The following KALRN variants were observed in gnomAD, a reference collection of about 807,000 sequenced individuals.
KALRN encodes kalirin.
In KALRN, 70 loss-of-function variants were observed where a neutral mutation model predicts 353.7. The observed-to-expected ratio is 0.20, with a 90% CI of 0.16 to 0.24. The LOEUF is 0.24. Among genes scored for constraint, KALRN ranks in the 10% least tolerant of loss-of-function variants. The pLI, the probability that KALRN is intolerant of heterozygous loss-of-function variation, is 1.00. For synonymous variants in KALRN, 1,391 were observed against 1,434.8 expected (o/e 0.97, Z 0.69); for missense variants, 2,791 against 3,756.7 (o/e 0.74, Z 6.72).
In KALRN at chr3:124,395,323, C is replaced by T. The variant is rs144625991; in HGVS notation, c.2151C>T (p.Leu717=). The change falls in exon 12 of 60, where the codon CTC becomes CTT. Residue 717 remains leucine, a synonymous_variant. Transcript: ENST00000682506. ...IQQLRSAPPS[L]GEPSEARDSA... ...AGCTCAGGTCAGCGCCTCCCTCCCTCGGGGAGCCCAGCGAGGCCAGGTCAG... is the reference window on the plus strand; with the variant it reads ...AGCTCAGGTCAGCGCCTCCCTCCCTTGGGGAGCCCAGCGAGGCCAGGTCAG... 26 of 1,612,902 alleles carry T rather than the reference C, an allele frequency of 1.6e-5. No individual in the cohort carries two copies. The highest frequency in any genetic ancestry group is 2.2e-5 in the Non-Finnish European group (26 of 1,179,694).
Position 124,441,990 on chromosome 3 carries a change from A to G in KALRN, c.3244A>G (p.Ile1082Val). 6.2e-7 allele frequency: 1 copy of G among 1,607,316 alleles called. No homozygotes were observed. The highest frequency in any genetic ancestry group is 8.5e-7 in the Non-Finnish European group (1 of 1,174,866). The change falls in exon 19 of 60, where the codon ATC becomes GTC. Residue 1082 changes from isoleucine to valine, a missense_variant. Physicochemically the swap from Ile to Val is conservative, Grantham distance 29. This residue lies in a region of KALRN where 268 missense variants were observed against 347.0 expected (regional missense o/e 0.77). Transcript: ENST00000682506. The stretch of plus-strand genomic sequence containing the variant: ...GAATGCTGAGGTGTTTCTCAAGTAC[A>G]TCCACAGGAACAACGTCAGCATGCC... ...RRNAEVFLKY[I>V]HRNNVSMPSV...
At chr3:124,246,960 T>A (rs568265746) in intron 3 of KALRN, among the ~76,000 whole-genome samples, 1 of 152,294 alleles carries the variant, frequency 6.6e-6, no homozygotes, top group South Asian at 2.1e-4. Flanking sequence ...GATCCAGATT[T>A]GGGGCTGTTT....
At chr3:124,483,667 A>G (rs936181744) in intron 28 of KALRN, among the ~76,000 whole-genome samples, 2 of 152,236 alleles carry the variant, frequency 1.3e-5, no homozygotes, top group Non-Finnish European at 2.9e-5. Flanking sequence ...GTGTTTGTCA[A>G]GACGATGAGG....
chr3:124,677,466 T>C, intron 49 of KALRN: 1 of 389,146 alleles, frequency 2.6e-6, no homozygotes, highest in Non-Finnish European at 5.0e-6. Flanking sequence ...ATTGCTGCTC[T>C]CACCTCCCTG....
chr3:124,647,142 A>G (rs2082859681), intron 37 of KALRN, among the ~76,000 whole-genome samples: 1 of 151,958 alleles, frequency 6.6e-6, no homozygotes, highest in Non-Finnish European at 1.5e-5. Flanking sequence ...CCTGAGCTCA[A>G]ATGACCCTCT....
rs1334066271 is a variant in KALRN, at chr3:124,395,251, A to G, written c.2079A>G (p.Leu693=). ...TCCAGCAGCAGCAGACCGCCACTCT[A>G]GATGCCACACTCAATGTCATCAAGG... The part of the protein sequence containing the change: ...KQFQQQQTAT[L]DATLNVIKEG... The change falls in exon 12 of 60, where the codon CTA becomes CTG. Residue 693 remains leucine, a synonymous_variant. Transcript: ENST00000682506. 6.2e-7 allele frequency: 1 copy of G among 1,613,290 alleles called. No homozygotes were observed. The highest frequency in any genetic ancestry group is 1.1e-5 in the South Asian group (1 of 91,000).
chr3:124,139,130 G>A (rs746055690), intron 1 of KALRN, among the ~76,000 whole-genome samples: 3 of 152,038 alleles, frequency 2.0e-5, no homozygotes, highest in Admixed American at 6.6e-5. Context: ...CATCTATAGG[G>A]CCCAGATCCT....
chr3:124,152,135 A>G, intron 1 of KALRN: 1 of 1,318,838 alleles, frequency 7.6e-7, no homozygotes, highest in Non-Finnish European at 1.1e-6. Flanking sequence ...CTCATGAATC[A>G]GATCCTTCCT....
chr3:124,580,358 G>A (rs1347459213), intron 34 of KALRN, among the ~76,000 whole-genome samples: 1 of 147,496 alleles, frequency 6.8e-6, no homozygotes, highest in Non-Finnish European at 1.5e-5. Flanking sequence ...ATCTCAGGGT[G>A]TGTGTGGGGG....
intron 34 of KALRN, among the ~76,000 whole-genome samples, chr3:124,622,651 G>T (rs1448086921): frequency 6.6e-6 from 1 of 152,114 alleles, no homozygotes. Context: ...CACTGCTACT[G>T]GTCTTTGGGG....
intron 5 of KALRN, among the ~76,000 whole-genome samples, chr3:124,271,067 G>A (rs1007502812): frequency 5.3e-5 from 8 of 152,210 alleles, no homozygotes; most frequent in African/African-American, 1.2e-4. Flanking sequence ...TCCTGACCTC[G>A]TGATCCACTC....
chr3:124,644,538 C>CCCCTCCCTGTGTCT (rs1202817227), intron 37 of KALRN, among the ~76,000 whole-genome samples: 1 of 151,996 alleles, frequency 6.6e-6, no homozygotes. Context: ...TATGTGTTCT[C>CCCCTCCCTGTGTCT]ATTGTTCAAC....
At chr3:124,223,812 A>T (rs1399708960) in intron 1 of KALRN, among the ~76,000 whole-genome samples, 1 of 152,232 alleles carries the variant, frequency 6.6e-6, no homozygotes. Flanking sequence ...GCTGGAAGCC[A>T]CAGTGAGGCT....
intron 1 of KALRN, among the ~76,000 whole-genome samples, chr3:124,192,024 C>G (rs1007932161): frequency 6.6e-6 from 1 of 152,172 alleles, no homozygotes; most frequent in Non-Finnish European, 1.5e-5. Flanking sequence ...ACAAGTGACC[C>G]CCTAGGGGAC....
rs1452479889 is a variant in KALRN, at chr3:124,384,830, T to C, written c.1771-15T>C. Reference sequence around the variant, plus strand: ...CGACTGCAACTTGACTTTGCCTCACTGTTGTTGCTGGCAGAATACGTACAC... The same window carrying C: ...CGACTGCAACTTGACTTTGCCTCACCGTTGTTGCTGGCAGAATACGTACAC... On this transcript the variant is annotated splice_polypyrimidine_tract_variant and intron_variant, in intron 10 of 59. Transcript: ENST00000682506. 1 of 1,565,642 alleles carries C rather than the reference T, an allele frequency of 6.4e-7. No homozygotes were observed. Among genetic ancestry groups the C allele is most frequent in the African/African-American group, 1.3e-5 (1 of 74,098 alleles).
intron 2 of KALRN, among the ~76,000 whole-genome samples, chr3:124,233,124 C>T (rs559530570): frequency 1.3e-5 from 2 of 152,068 alleles, no homozygotes; most frequent in Non-Finnish European, 2.9e-5. Flanking sequence ...CACCCTTTGC[C>T]AGTTGGAGCT....
At chr3:124,685,562 C>T (rs2061519786) in intron 51 of KALRN, among the ~76,000 whole-genome samples, 1 of 152,198 alleles carries the variant, frequency 6.6e-6, no homozygotes, top group Non-Finnish European at 1.5e-5. Flanking sequence ...ACTTTCTTAA[C>T]AAGGGTCAGG....
At chr3:124,298,718 A>G in intron 5 of KALRN, 73 bp from the exon 6 acceptor site, 1 of 1,562,128 alleles carries the variant, frequency 6.4e-7, no homozygotes, top group Non-Finnish European at 8.8e-7. Context: ...TTCCCCTTCC[A>G]CTAGCTCTGA....
chr3:124,257,639 T>C (rs1247358168), intron 3 of KALRN, among the ~76,000 whole-genome samples: 1 of 152,170 alleles, frequency 6.6e-6, no homozygotes, highest in Non-Finnish European at 1.5e-5. Context: ...TTGTAATTTA[T>C]CACAAAGGGT....
Sources: gnomAD v4.1 joint callset for allele counts (sites outside exome capture counted in the v4.1 genomes callset) on GRCh38, gnomAD v4.1.1 for gene constraint, gnomAD v4.1.1 regional missense constraint, MANE v1.5 for transcripts, NCBI Gene and HGNC (gene_info 2026-07-23, HGNC 2026-07-21) for gene names.